The following PCDHGB6 variants were observed in gnomAD, a reference collection of about 807,000 sequenced individuals.
PCDHGB6 encodes the protein protocadherin gamma-B6.
In PCDHGB6, 51 loss-of-function variants were observed where a neutral mutation model predicts 59.1. The observed-to-expected ratio is 0.86, with a 90% CI of 0.69 to 1.09. The LOEUF is 1.09. PCDHGB6 is among the 50% of genes least tolerant of loss of function. PCDHGB6 has a pLI of 0.00. For synonymous variants in PCDHGB6, 466 were observed against 495.1 expected (o/e 0.94, Z 0.78); for missense variants, 1,148 against 1,205.1 (o/e 0.95, Z 0.70).
intron 1 of PCDHGB6, among the ~76,000 whole-genome samples, chr5:141,437,623 T>G (rs887878119): frequency 3.3e-5 from 5 of 152,172 alleles, no homozygotes; most frequent in Non-Finnish European, 7.4e-5. Context: ...TATCCCCATA[T>G]AAGATGTCAG....
rs558730748 is a variant in PCDHGB6, at chr5:141,469,995, G to A, written c.2419-24812G>A. Reference sequence around the variant, plus strand: ...AAAATACAAAAATTAGCTGGTCGTCGTGGCACGCCTGTAATCCCAGCTACT... The same window carrying A: ...AAAATACAAAAATTAGCTGGTCGTCATGGCACGCCTGTAATCCCAGCTACT... On this transcript the variant is annotated intron_variant, in intron 1 of 3. Coordinates refer to ENST00000520790, the MANE Select transcript of PCDHGB6 (RefSeq NM_018926.3). Among the ~76,000 whole-genome samples, 8 of 152,194 alleles carry A rather than the reference G, an allele frequency of 5.3e-5. No homozygotes were observed. In the East Asian group the frequency reaches 5.8e-4, roughly 11 times the overall value.
At chr5:141,481,318 A>C (rs758947998) in intron 1 of PCDHGB6, among the ~76,000 whole-genome samples, 6 of 152,216 alleles carry the variant, frequency 3.9e-5, no homozygotes, top group Non-Finnish European at 8.8e-5. Context: ...TTCCTAAAGC[A>C]CTAGCCCCTG....
In PCDHGB6 at chr5:141,499,676, C is replaced by G. The variant is rs534287777; in HGVS notation, c.2477+4811C>G. On this transcript the variant is annotated intron_variant, in intron 2 of 3. Coordinates refer to ENST00000520790, the MANE Select transcript of PCDHGB6 (RefSeq NM_018926.3). Reference sequence around the variant, plus strand: ...ATAATTTCATCTTGGTCTCCACCATCTTTAACAGATGACTTTTTTTTTTTT... The same window carrying G: ...ATAATTTCATCTTGGTCTCCACCATGTTTAACAGATGACTTTTTTTTTTTT... Among the ~76,000 whole-genome samples, 13 of 144,474 alleles carry G rather than the reference C, an allele frequency of 9.0e-5. No homozygotes were observed. In the South Asian group the frequency reaches 2.9e-3, roughly 33 times the overall value. The allele number at this position is 144,474 out of a possible 152,430, so 94.8% of individuals were successfully genotyped here.
At chr5:141,504,240 G>A (rs1275204117) in intron 2 of PCDHGB6, among the ~76,000 whole-genome samples, 1 of 152,182 alleles carries the variant, frequency 6.6e-6, no homozygotes, top group Non-Finnish European at 1.5e-5. Context: ...AAGAAGCAGA[G>A]AGTTCTTCTT....
At position 141,422,424 on chromosome 5, in the gene PCDHGB6, T is replaced by C. The variant is rs1182660567; in HGVS notation, c.2418+11804T>C. The C allele has an allele frequency of 2.5e-6, 4 of 1,608,076 alleles. No homozygotes were observed. The East Asian group carries it at 6.7e-5, about 27-fold the overall frequency. On this transcript the variant is annotated intron_variant, in intron 1 of 3. Transcript: ENST00000520790. ...TGCCTTTTAAATTAGAAAAGACTTA[T>C]GGAAATTATTACAAATTGATAACAA...
intron 1 of PCDHGB6, chr5:141,468,682 C>A (rs377685711): frequency 4.6e-5 from 7 of 151,296 alleles, no homozygotes; most frequent in African/African-American, 1.7e-4. Context: ...CTGGCTAACA[C>A]GGTGAAACCC....
chr5:141,410,817 ATGTCACCAGACTGAAGATATTTTGTCTT>A, intron 1 of PCDHGB6, 197 bp downstream of exon 1: 1 of 524,252 alleles, frequency 1.9e-6, no homozygotes, highest in Non-Finnish European at 3.1e-6. Flanking sequence ...TTGTAAAATA[ATGTCACCAGACTGAAGATATTTTGTCTT>A]TGTCTTTTTT....
Position 141,432,082 on chromosome 5 carries a change from C to G in PCDHGB6, c.2418+21462C>G. The G allele has an allele frequency of 1.2e-6, 2 of 1,614,184 alleles. No individual in the cohort carries two copies. The highest frequency in any genetic ancestry group is 1.7e-6 in the Non-Finnish European group (2 of 1,180,028). On this transcript the variant is annotated intron_variant, in intron 1 of 3. Coordinates refer to ENST00000520790, the MANE Select transcript of PCDHGB6 (RefSeq NM_018926.3). This position sits in a 1 kb window ranked among gnomAD's most constrained non-coding sequence, Gnocchi z 6.0. Reference sequence around the variant, plus strand: ...CCACGGAAACTCATATCTCGCTGAACGTGGCAGACACCAACGACAACCCGC... The same window carrying G: ...CCACGGAAACTCATATCTCGCTGAAGGTGGCAGACACCAACGACAACCCGC...
Position 141,410,066 on chromosome 5 carries a change from C to G in PCDHGB6, c.1864C>G (p.Arg622Gly). Residue 622 changes from arginine (R) to glycine (G), a missense_variant, in exon 1 of 4, where the codon CGC becomes GGC. Around this residue, in one of 5 missense-constraint regions of PCDHGB6, gnomAD observed 549 missense variants for 527.5 expected, o/e 1.04. Coordinates refer to ENST00000520790, the MANE Select transcript of PCDHGB6 (RefSeq NM_018926.3). Reference sequence around the variant, plus strand: ...GCCCGGACTCTTCAGCCTGGGGCTGCGCACTGGGGAGGTGCGCACGGCTCG... The same window carrying G: ...GCCCGGACTCTTCAGCCTGGGGCTGGGCACTGGGGAGGTGCGCACGGCTCG... ...SEPGLFSLGL[R>G]TGEVRTARAL... 6.2e-7 allele frequency: 1 copy of G among 1,612,912 alleles called. No homozygotes were observed. Among genetic ancestry groups the G allele is most frequent in the Non-Finnish European group, 8.5e-7 (1 of 1,179,724 alleles).
rs2099629540 is a variant in PCDHGB6, at chr5:141,486,436, T to C, written c.2419-8371T>C. 2 of 1,614,188 alleles carry C rather than the reference T, an allele frequency of 1.2e-6. No individual in the cohort carries two copies. The highest frequency in any genetic ancestry group is 1.7e-6 in the Non-Finnish European group (2 of 1,180,020). On this transcript the variant is annotated intron_variant, in intron 1 of 3. Coordinates refer to ENST00000520790, the MANE Select transcript of PCDHGB6 (RefSeq NM_018926.3). This position sits in a 1 kb window ranked among gnomAD's most constrained non-coding sequence, Gnocchi z 5.0. ...TGGATCGAGAGGCCAAATCTAGCTA[T>C]GACATCATGGTCACTGCTTCTGATG... is the stretch of plus-strand genomic sequence containing the variant.
intron 1 of PCDHGB6, among the ~76,000 whole-genome samples, chr5:141,474,120 T>C (rs2099343213): frequency 6.6e-6 from 1 of 151,910 alleles, no homozygotes; most frequent in Non-Finnish European, 1.5e-5. Flanking sequence ...ACAACGAAAA[T>C]CTCAGAAAAC....
rs764434052 is a variant in PCDHGB6, at chr5:141,431,792, C to T, written c.2418+21172C>T. ...TGTTCTGGACGTGAACGACAATGCC[C>T]CAGAAGTGGTCCTCACCTCTCTCGC... is the stretch of plus-strand genomic sequence containing the variant. On this transcript the variant is annotated intron_variant, in intron 1 of 3. Transcript: ENST00000520790. This position sits in a 1 kb window ranked among gnomAD's most constrained non-coding sequence, Gnocchi z 4.8. The T allele has an allele frequency of 3.7e-6, 6 of 1,614,234 alleles. No homozygotes were observed. The South Asian group carries it at 6.6e-5, about 18-fold the overall frequency.
At chr5:141,483,187 GTTT>G (rs899657161) in intron 1 of PCDHGB6, among the ~76,000 whole-genome samples, 2 of 152,172 alleles carry the variant, frequency 1.3e-5, no homozygotes, top group African/African-American at 4.8e-5. Flanking sequence ...AAGCCAAGGA[GTTT>G]TTATTTTATT....
At chr5:141,419,600 G>A (rs1304962440) in intron 1 of PCDHGB6, 3 of 1,611,816 alleles carry the variant, frequency 1.9e-6, no homozygotes, top group Non-Finnish European at 2.5e-6. Context: ...AGTGCCGCGG[G>A]CCGCGCAGCC....
intron 1 of PCDHGB6, among the ~76,000 whole-genome samples, chr5:141,480,700 C>A (rs1327284592): frequency 1.3e-5 from 2 of 152,192 alleles, no homozygotes; most frequent in Admixed American, 6.5e-5. Flanking sequence ...CCAGGCCACA[C>A]CCCGACAAAT....
intron 1 of PCDHGB6, chr5:141,426,776 C>G (rs1258505646): frequency 2.2e-6 from 1 of 456,584 alleles, no homozygotes; most frequent in Admixed American, 2.3e-5. Flanking sequence ...TAGGGCCTCA[C>G]TCTCTCCAGA....
chr5:141,480,946 G>A (rs1415705408), intron 1 of PCDHGB6, among the ~76,000 whole-genome samples: 1 of 152,172 alleles, frequency 6.6e-6, no homozygotes, highest in Non-Finnish European at 1.5e-5. Context: ...TCTAGAGGCT[G>A]AGGCGGAAGC....
At chr5:141,415,447 T>C in intron 1 of PCDHGB6, 1 of 1,614,200 alleles carries the variant, frequency 6.2e-7, no homozygotes, top group South Asian at 1.1e-5. Context: ...GCAGACCTAT[T>C]CCCACGAGGT....
chr5:141,434,481 A>G (rs2097697198), intron 1 of PCDHGB6, among the ~76,000 whole-genome samples: 1 of 152,246 alleles, frequency 6.6e-6, no homozygotes, highest in Non-Finnish European at 1.5e-5. Context: ...GGCAAGGAAC[A>G]CCTGGCCCGC....
Sources: allele counts gnomAD v4.1 joint callset (sites outside exome capture counted in the v4.1 genomes callset), GRCh38; gene constraint gnomAD v4.1.1; regional missense constraint gnomAD v4.1.1; non-coding constraint Gnocchi (gnomAD v3.1); transcripts MANE v1.5; gene names NCBI Gene and HGNC (gene_info 2026-07-23, HGNC 2026-07-21).